The following MCTP2 variants were observed in gnomAD, a reference collection of about 807,000 sequenced individuals.
MCTP2 encodes the protein multiple C2 and transmembrane domain containing 2.
Under a neutral mutation model 111.6 loss-of-function variants are expected in MCTP2, and 132 were observed. The ratio of observed to expected loss-of-function variants is 1.18; its 90% CI spans 1.03 to 1.37. The LOEUF (loss-of-function observed/expected upper bound fraction) is 1.37. MCTP2 is among the 40% of genes most tolerant of loss of function. MCTP2 has a pLI of 0.00. For synonymous variants in MCTP2, 395 were observed against 387.7 expected (o/e 1.02, Z -0.22); for missense variants, 1,183 against 1,067.9 (o/e 1.11, Z -1.50).
intron 12 of MCTP2, among the ~76,000 whole-genome samples, chr15:94,370,707 A>T (rs1433941): frequency 0.013 from 1,918 of 152,234 alleles, 37 homozygotes; most frequent in African/African-American, 0.044. Context: ...TTTTAGAAAG[A>T]GGCCAAAGCA....
Position 94,454,898 on chromosome 15 carries a change from G to A in MCTP2, c.2251-3239G>A, listed in dbSNP as rs139173468. Among the ~76,000 whole-genome samples the A allele has an allele frequency of 3.0e-3, 450 of 152,206 alleles. 1 individual carries two copies. Among genetic ancestry groups the A allele is most frequent in the Middle Eastern group, 0.014 (4 of 292 alleles). ...TACAGTGCCGTGATCTTGCCTCACCGCAACCTCTGCCTCCCAGGTTCAAGC... is the reference window on the plus strand; with the variant it reads ...TACAGTGCCGTGATCTTGCCTCACCACAACCTCTGCCTCCCAGGTTCAAGC... On this transcript the variant is annotated intron_variant, in intron 19 of 22. Coordinates refer to ENST00000357742, the MANE Select transcript of MCTP2 (RefSeq NM_001385001.1).
At chr15:94,357,688 T>A (rs1330619741) in intron 9 of MCTP2, among the ~76,000 whole-genome samples, 1 of 152,222 alleles carries the variant, frequency 6.6e-6, no homozygotes, top group Non-Finnish European at 1.5e-5. Context: ...TATGTTTTTC[T>A]GATGCAAGAA....
intron 1 of MCTP2, among the ~76,000 whole-genome samples, chr15:94,244,973 CACAT>C (rs56651607): frequency 0.33 from 36,686 of 110,180 alleles, 8,603 homozygotes; most frequent in Non-Finnish European, 0.38. Context: ...TATATGTATA[CACAT>C]ACATATGCAC....
intron 20 of MCTP2, among the ~76,000 whole-genome samples, chr15:94,464,257 T>TATATATTA (rs4001978): frequency 6.7e-5 from 3 of 44,966 alleles, no homozygotes; most frequent in Admixed American, 2.6e-4. Flanking sequence ...TATATATATA[T>TATATATTA]TATATATATA....
chr15:94,334,207 C>T (rs953473969), intron 4 of MCTP2, among the ~76,000 whole-genome samples: 2 of 150,648 alleles, frequency 1.3e-5, no homozygotes, highest in African/African-American at 5.0e-5. Flanking sequence ...CAAAATGATC[C>T]CTTGAAGTTG....
intron 17 of MCTP2, among the ~76,000 whole-genome samples, chr15:94,409,016 G>C (rs561756982): frequency 6.6e-5 from 10 of 152,258 alleles, no homozygotes; most frequent in African/African-American, 2.4e-4. Flanking sequence ...ATTCTGTGAT[G>C]GTGAATACTG....
intron 17 of MCTP2, among the ~76,000 whole-genome samples, chr15:94,428,358 A>G (rs773723025): frequency 9.8e-5 from 15 of 152,324 alleles, no homozygotes; most frequent in Non-Finnish European, 1.9e-4. Context: ...TGAGGAATAA[A>G]GTCACTCAAA....
chr15:94,235,020 G>A (rs1178425935), intron 1 of MCTP2, among the ~76,000 whole-genome samples: 1 of 152,158 alleles, frequency 6.6e-6, no homozygotes, highest in Non-Finnish European at 1.5e-5. Flanking sequence ...GGGAGGCCGA[G>A]TTGGGTGGAT....
chr15:94,472,334 G>T (rs1021887910), intron 21 of MCTP2, among the ~76,000 whole-genome samples: 1 of 152,174 alleles, frequency 6.6e-6, no homozygotes, highest in African/African-American at 2.4e-5. Context: ...CTGAGATCAA[G>T]CCACTGCACT....
intron 9 of MCTP2, among the ~76,000 whole-genome samples, chr15:94,356,823 G>T (rs1001910185): frequency 4.6e-5 from 7 of 152,012 alleles, no homozygotes; most frequent in Non-Finnish European, 7.4e-5. Flanking sequence ...AAACATAATG[G>T]CATTTTAACT....
intron 20 of MCTP2, among the ~76,000 whole-genome samples, chr15:94,469,313 T>C (rs2073707556): frequency 6.6e-6 from 1 of 152,152 alleles, no homozygotes; most frequent in Non-Finnish European, 1.5e-5. Context: ...CTCTACAATA[T>C]ATCCAAGTCC....
chr15:94,320,077 G>A (rs7166406), intron 4 of MCTP2, among the ~76,000 whole-genome samples: 4 of 151,580 alleles, frequency 2.6e-5, no homozygotes, highest in African/African-American at 9.7e-5. Flanking sequence ...CTTAATTGGG[G>A]AAATGACTGA....
chr15:94,360,575 A>G (rs1390711025), intron 10 of MCTP2, among the ~76,000 whole-genome samples: 2 of 152,226 alleles, frequency 1.3e-5, no homozygotes, highest in Non-Finnish European at 2.9e-5. Flanking sequence ...TCCTGTGATG[A>G]ATGGCCAGCG....
At chr15:94,395,223 A>G (rs1354409998) in intron 14 of MCTP2, among the ~76,000 whole-genome samples, 2 of 152,214 alleles carry the variant, frequency 1.3e-5, no homozygotes, top group African/African-American at 2.4e-5. Context: ...GGAACCAACT[A>G]ATATGTCATG....
intron 17 of MCTP2, among the ~76,000 whole-genome samples, chr15:94,434,857 C>CTTTTTTTTTTT (rs751539621): frequency 7.2e-6 from 1 of 139,050 alleles, no homozygotes. Flanking sequence ...TTCTTTCTTT[C>CTTTTTTTTTTT]TTTTTTTTTT....
intron 20 of MCTP2, among the ~76,000 whole-genome samples, chr15:94,469,933 T>C (rs1162544399): frequency 6.6e-6 from 1 of 152,112 alleles, no homozygotes; most frequent in African/African-American, 2.4e-5. Context: ...GTTACCATAA[T>C]TACTAGTAAC....
intron 1 of MCTP2, among the ~76,000 whole-genome samples, chr15:94,280,612 CT>C: frequency 6.6e-6 from 1 of 151,826 alleles, no homozygotes; most frequent in Admixed American, 6.6e-5. Flanking sequence ...TCAACTCCAA[CT>C]TTTGTTATTT....
At chr15:94,435,360 A>G (rs1360174513) in intron 17 of MCTP2, among the ~76,000 whole-genome samples, 1 of 152,114 alleles carries the variant, frequency 6.6e-6, no homozygotes, top group African/African-American at 2.4e-5. Context: ...TCCAGTGAGG[A>G]TATCTTGCTC....
intron 4 of MCTP2, among the ~76,000 whole-genome samples, chr15:94,317,617 G>A (rs902213194): frequency 2.6e-5 from 4 of 152,046 alleles, no homozygotes; most frequent in Middle Eastern, 3.2e-3. Flanking sequence ...TGGAGCATTC[G>A]TGGTTCACCT....
Sources: allele counts gnomAD v4.1 joint callset (sites outside exome capture counted in the v4.1 genomes callset), GRCh38; gene constraint gnomAD v4.1.1; transcripts MANE v1.5; gene names NCBI Gene and HGNC (gene_info 2026-07-23, HGNC 2026-07-21).